TSPAN12: variants seen among roughly 807,000 people sequenced by gnomAD.
TSPAN12 encodes tetraspanin 12.
In TSPAN12, 19 loss-of-function variants were observed where a neutral mutation model predicts 39.2. The observed-to-expected ratio is 0.49, with a 90% CI of 0.34 to 0.71. The LOEUF is 0.71. TSPAN12 is among the 30% of genes least tolerant of loss of function. The probability of loss-of-function intolerance (pLI) is 0.01; values close to 1 mark genes in which losing one functional copy is unlikely to be tolerated. For synonymous variants in TSPAN12, 119 were observed against 124.8 expected (o/e 0.95, Z 0.31); for missense variants, 314 against 359.9 (o/e 0.87, Z 1.03).
chr7:120,791,444 A>G (rs2116285349), intron 7 of TSPAN12, among the ~76,000 whole-genome samples: 1 of 152,364 alleles, frequency 6.6e-6, no homozygotes, highest in East Asian at 1.9e-4. Context: ...ACAATGTATT[A>G]GTTATTCAAA....
intron 4 of TSPAN12, among the ~76,000 whole-genome samples, chr7:120,832,782 G>C (rs566729870): frequency 2.1e-4 from 32 of 152,186 alleles, no homozygotes; most frequent in African/African-American, 7.7e-4. Flanking sequence ...AAAAAGGAAA[G>C]GAGAAACTGC....
intron 7 of TSPAN12, among the ~76,000 whole-genome samples, chr7:120,796,898 G>A (rs1793642112): frequency 6.6e-6 from 1 of 152,324 alleles, no homozygotes; most frequent in South Asian, 2.1e-4. Context: ...GCTCACGCCT[G>A]TAATCCCAGC....
At chr7:120,852,847 C>G (rs1178269798) in intron 2 of TSPAN12, among the ~76,000 whole-genome samples, 1 of 151,148 alleles carries the variant, frequency 6.6e-6, no homozygotes, top group Non-Finnish European at 1.5e-5. Context: ...GTTTCTTTAT[C>G]TAAAAAAAAG....
chr7:120,840,107 T>A lies in TSPAN12; in HGVS notation c.69A>T (p.Leu23Phe). The A allele has an allele frequency of 1.2e-6, 2 of 1,612,596 alleles. No individual in the cohort carries two copies. Among genetic ancestry groups the A allele is most frequent in the East Asian group, 4.5e-5 (2 of 44,864 alleles). The change falls in exon 3 of 8, where the codon TTA becomes TTT. Residue 23 changes from leucine (L) to phenylalanine (F), a missense_variant and splice_region_variant. Leu to Phe is a conservative substitution (Grantham distance 22). Transcript: ENST00000222747. ...LLYALNLLFW[L>F]MSISVLAVSA... ...AAACTGCCAACACACTGATGGACAT[T>A]AACTGGGGAGAAAAAAGTACAAACC...
In TSPAN12 at chr7:120,798,834, CA is replaced by C. The variant is rs1361530518; in HGVS notation, c.612+7714del. 2.6e-5 allele frequency among the ~76,000 whole-genome samples: 4 copies of C among 152,084 alleles called. No homozygotes were observed. The South Asian group carries it at 8.3e-4, about 32-fold the overall frequency. ...GGAATGCCCTTTTTCGACCCTGTGC[CA>C]CCCTAATATTTTCTGCACGTGGCTT... On this transcript the variant is annotated intron_variant, in intron 7 of 7. Transcript: ENST00000222747.
intron 5 of TSPAN12, among the ~76,000 whole-genome samples, chr7:120,811,072 T>C (rs1268287198): frequency 6.6e-6 from 1 of 152,200 alleles, no homozygotes; most frequent in Admixed American, 6.5e-5. Flanking sequence ...TTATCAACAC[T>C]TTTTCAAAAG....
intron 7 of TSPAN12, 141 bp from the exon 8 acceptor site, chr7:120,789,038 A>G (rs1371405550): frequency 8.0e-6 from 7 of 872,068 alleles, no homozygotes; most frequent in Non-Finnish European, 1.3e-5. Flanking sequence ...GTTCTCAGGG[A>G]AAGCTGATGA....
At chr7:120,838,659 C>A in intron 4 of TSPAN12, 118 bp downstream of exon 4, 1 of 1,080,210 alleles carries the variant, frequency 9.3e-7, no homozygotes, top group Non-Finnish European at 1.4e-6. Flanking sequence ...GAAAGCGTCC[C>A]TTCTTACAGG....
chr7:120,845,364 A>C (rs1048056144), intron 2 of TSPAN12, among the ~76,000 whole-genome samples: 2 of 152,198 alleles, frequency 1.3e-5, no homozygotes, highest in Admixed American at 1.3e-4. Context: ...GCCAGTTTGA[A>C]TTCCTTTCCG....
At chr7:120,814,368 G>A (rs1251496200) in intron 5 of TSPAN12, 2 of 427,092 alleles carry the variant, frequency 4.7e-6, no homozygotes, top group African/African-American at 4.1e-5. Context: ...GTTCCTCCCT[G>A]CCTTCCCCTC....
chr7:120,816,638 T>G (rs921154049), intron 4 of TSPAN12, among the ~76,000 whole-genome samples: 14 of 152,068 alleles, frequency 9.2e-5, no homozygotes, highest in African/African-American at 2.9e-4. Context: ...AGGTGAAAGA[T>G]GCACTGAAGC....
At chr7:120,839,914 G>T (rs1246472251) in intron 3 of TSPAN12, 113 bp downstream of exon 3, 1 of 813,270 alleles carries the variant, frequency 1.2e-6, no homozygotes, top group East Asian at 2.6e-5. Context: ...GGTTGCTATG[G>T]GCAGGAAAAA....
intron 2 of TSPAN12, among the ~76,000 whole-genome samples, chr7:120,850,753 G>GC (rs1794755672): frequency 1.3e-5 from 2 of 150,908 alleles, no homozygotes; most frequent in African/African-American, 4.9e-5. Flanking sequence ...GCAGTGACAC[G>GC]ATCTTGGCTC....
At chr7:120,814,473 A>T (rs1673416536) in intron 5 of TSPAN12, among the ~76,000 whole-genome samples, 1 of 152,192 alleles carries the variant, frequency 6.6e-6, no homozygotes. Context: ...CAAGAACTAC[A>T]TATGGAAAAT....
At chr7:120,812,749 A>G (rs1794006485) in intron 5 of TSPAN12, among the ~76,000 whole-genome samples, 1 of 152,200 alleles carries the variant, frequency 6.6e-6, no homozygotes, top group South Asian at 2.1e-4. Context: ...CTCACCATAA[A>G]TTAATATTAT....
At chr7:120,827,936 C>T (rs1171425185) in intron 4 of TSPAN12, among the ~76,000 whole-genome samples, 1 of 152,118 alleles carries the variant, frequency 6.6e-6, no homozygotes, top group Non-Finnish European at 1.5e-5. Flanking sequence ...CCTAAACTCA[C>T]CTTAGCCCAG....
At chr7:120,848,858 A>C (rs1794720814) in intron 2 of TSPAN12, among the ~76,000 whole-genome samples, 1 of 152,236 alleles carries the variant, frequency 6.6e-6, no homozygotes, top group African/African-American at 2.4e-5. Flanking sequence ...TAACAATAAA[A>C]ACAAATATAG....
chr7:120,817,920 C>A (rs79404437), intron 4 of TSPAN12, among the ~76,000 whole-genome samples: 1 of 151,920 alleles, frequency 6.6e-6, no homozygotes, highest in Non-Finnish European at 1.5e-5. Flanking sequence ...AGGTGTTCAA[C>A]GAGTATTTGT....
intron 6 of TSPAN12, among the ~76,000 whole-genome samples, chr7:120,806,912 A>G (rs188947571): frequency 6.6e-6 from 1 of 152,192 alleles, no homozygotes; most frequent in East Asian, 1.9e-4. Context: ...TGCCCATAAC[A>G]CATAAAAACA....
Sources: allele counts gnomAD v4.1 joint callset (sites outside exome capture counted in the v4.1 genomes callset), GRCh38; gene constraint gnomAD v4.1.1; transcripts MANE v1.5; gene names NCBI Gene and HGNC (gene_info 2026-07-23, HGNC 2026-07-21).